Variants in MRPS28 observed in about 807,000 individuals in gnomAD.
MRPS28 encodes small ribosomal subunit protein bS1m.
MRPS28 carries 7 observed loss-of-function variants against 10.8 expected under a neutral mutation model. That is an observed-to-expected ratio of 0.65 (90% confidence interval 0.37 to 1.22). The LOEUF is 1.22. Among genes scored for constraint, MRPS28 ranks in the 50% most tolerant of loss-of-function variants. MRPS28 has a pLI of 0.02. For synonymous variants in MRPS28, 121 were observed against 93.3 expected, an observed-to-expected ratio of 1.30 and a Z score of -1.71; for missense variants, 265 against 232.9, an observed-to-expected ratio of 1.14 and a Z score of -0.90.
At chr8:79,989,323 A>C (rs1270310152) in intron 2 of MRPS28, among the ~76,000 whole-genome samples, 1 of 152,214 alleles carries the variant, frequency 6.6e-6, no homozygotes, top group Non-Finnish European at 1.5e-5. Flanking sequence ...AACTATTTTG[A>C]CGTTAAAAGC....
intron 1 of MRPS28, among the ~76,000 whole-genome samples, chr8:80,010,648 G>A (rs1809015226): frequency 6.6e-6 from 1 of 152,160 alleles, no homozygotes; most frequent in African/African-American, 2.4e-5. Context: ...TATATGCAGG[G>A]GGATAAAGTT....
At chr8:79,929,663 C>A (rs981244924) in intron 2 of MRPS28, among the ~76,000 whole-genome samples, 1 of 151,870 alleles carries the variant, frequency 6.6e-6, no homozygotes, top group Non-Finnish European at 1.5e-5. Context: ...TTTAGGATGG[C>A]AGATTCACAG....
chr8:79,924,981 GT>G (rs892237602), intron 2 of MRPS28, among the ~76,000 whole-genome samples: 9 of 152,040 alleles, frequency 5.9e-5, no homozygotes, highest in African/African-American at 2.2e-4. Flanking sequence ...GTATTGCTAT[GT>G]TTTTTAATAT....
intron 1 of MRPS28, among the ~76,000 whole-genome samples, chr8:80,007,926 C>A (rs1349518409): frequency 4.6e-5 from 7 of 152,058 alleles, no homozygotes; most frequent in Non-Finnish European, 8.8e-5. Flanking sequence ...AAACTACTTT[C>A]AAGTTCATAT....
At chr8:79,992,579 T>C (rs1808396397) in intron 2 of MRPS28, among the ~76,000 whole-genome samples, 2 of 152,228 alleles carry the variant, frequency 1.3e-5, no homozygotes, top group African/African-American at 4.8e-5. Context: ...GTTTATATCT[T>C]TCCTCCTAAA....
chr8:79,971,013 T>A (rs1807617613), intron 2 of MRPS28, among the ~76,000 whole-genome samples: 1 of 152,200 alleles, frequency 6.6e-6, no homozygotes, highest in African/African-American at 2.4e-5. Flanking sequence ...AACAATGGAC[T>A]TTCCTTTAGA....
chr8:79,999,253 G>A (rs1374768816), intron 2 of MRPS28, among the ~76,000 whole-genome samples: 3 of 152,138 alleles, frequency 2.0e-5, no homozygotes, highest in Non-Finnish European at 4.4e-5. Flanking sequence ...GTTCTACCTC[G>A]TCATATAATC....
intron 1 of MRPS28, chr8:80,028,648 G>GCGGGGCGGGGGGGGGC (rs1809554750): frequency 1.0e-5 from 1 of 98,120 alleles, no homozygotes; most frequent in Admixed American, 9.3e-5. Flanking sequence ...CAGAAGACGG[G>GCGGGGCGGGGGGGGGC]CGGGGGGGGC....
At chr8:79,983,053 C>G (rs1451963707) in intron 2 of MRPS28, among the ~76,000 whole-genome samples, 2 of 150,458 alleles carry the variant, frequency 1.3e-5, no homozygotes, top group Non-Finnish European at 3.0e-5. Context: ...CCTCACACGG[C>G]CAGGTACTCC....
chr8:79,919,913 C>A (rs535482899), intron 2 of MRPS28, among the ~76,000 whole-genome samples: 1 of 150,252 alleles, frequency 6.7e-6, no homozygotes, highest in South Asian at 2.1e-4. Flanking sequence ...TCGTCATTTA[C>A]GTTAGGTATA....
chr8:79,941,498 A>G (rs1033260117), intron 2 of MRPS28, among the ~76,000 whole-genome samples: 1 of 152,196 alleles, frequency 6.6e-6, no homozygotes, highest in Non-Finnish European at 1.5e-5. Flanking sequence ...GATAAGAAAG[A>G]TATCTGCAGA....
chr8:79,952,811 A>G (rs530846568), intron 2 of MRPS28, among the ~76,000 whole-genome samples: 1 of 152,334 alleles, frequency 6.6e-6, no homozygotes, highest in South Asian at 2.1e-4. Flanking sequence ...TAATGAGAAG[A>G]CTGGATAGTA....
chr8:79,941,610 A>T (rs563975316), intron 2 of MRPS28, among the ~76,000 whole-genome samples: 11 of 152,360 alleles, frequency 7.2e-5, no homozygotes, highest in African/African-American at 2.6e-4. Context: ...CATGCTGCTT[A>T]TAATGAAATA....
chr8:79,980,262 A>G (rs1440541537), intron 2 of MRPS28, among the ~76,000 whole-genome samples: 2 of 152,208 alleles, frequency 1.3e-5, no homozygotes. Context: ...CAACTTGCCT[A>G]AGATCACACA....
intron 2 of MRPS28, among the ~76,000 whole-genome samples, chr8:79,987,848 G>C (rs1353525370): frequency 6.6e-6 from 1 of 152,202 alleles, no homozygotes; most frequent in Non-Finnish European, 1.5e-5. Flanking sequence ...TTTAACCATT[G>C]TGGAAGTCAG....
intron 2 of MRPS28, among the ~76,000 whole-genome samples, chr8:79,995,022 C>T (rs1808464013): frequency 6.6e-6 from 1 of 152,158 alleles, no homozygotes; most frequent in Non-Finnish European, 1.5e-5. Flanking sequence ...AAGCCTCTGA[C>T]ACAAGCAGAT....
chr8:79,995,121 CT>C (rs535290802), intron 2 of MRPS28, among the ~76,000 whole-genome samples: 196 of 152,292 alleles, frequency 1.3e-3, no homozygotes, highest in Admixed American at 2.4e-3. Context: ...CTCTATCCCC[CT>C]GACCAGATCA....
At chr8:80,028,645 C>CGGGCGGCGGGGGGG (rs1554575873) in intron 1 of MRPS28, 2 of 3,332 alleles carry the variant, frequency 6.0e-4, no homozygotes, top group Non-Finnish European at 1.0e-3. Flanking sequence ...AAGCAGAAGA[C>CGGGCGGCGGGGGGG]GGGCGGGGGG....
intron 2 of MRPS28, among the ~76,000 whole-genome samples, chr8:79,974,574 C>CAAAA (rs531560573): frequency 2.1e-5 from 3 of 144,500 alleles, no homozygotes; most frequent in African/African-American, 7.6e-5. Flanking sequence ...AATAAAAAAA[C>CAAAA]AAAAAAAAAA....
Sources: gnomAD v4.1 joint callset for allele counts (sites outside exome capture counted in the v4.1 genomes callset) on GRCh38, gnomAD v4.1.1 for gene constraint, MANE v1.5 for transcripts, NCBI Gene and HGNC (gene_info 2026-07-23, HGNC 2026-07-21) for gene names.